Variants in TENT5D observed in about 807,000 individuals in gnomAD.
TENT5D encodes terminal nucleotidyltransferase 5D.
For synonymous variants in TENT5D, 103 were observed against 100.6 expected, an observed-to-expected ratio of 1.02 and a Z score of -0.15; for missense variants, 191 against 287.0, an observed-to-expected ratio of 0.67 and a Z score of 2.42.
chrX:80,361,066 G>A (rs1930398860), intron 3 of TENT5D, among the ~76,000 whole-genome samples: 1 of 111,449 alleles, frequency 9.0e-6, no homozygotes. Flanking sequence ...TGTTTTTACT[G>A]TATTTCCTAT....
chrX:80,357,652 G>T (rs1930313152), intron 3 of TENT5D, among the ~76,000 whole-genome samples: 1 of 111,004 alleles, frequency 9.0e-6, no homozygotes, highest in African/African-American at 3.3e-5. Context: ...TGTAGATCCT[G>T]GATATTAGCC....
chrX:80,370,207 A>T (rs917831629), intron 3 of TENT5D, among the ~76,000 whole-genome samples: 2 of 110,589 alleles, frequency 1.8e-5, no homozygotes, highest in Non-Finnish European at 3.8e-5. Flanking sequence ...CTCCAAAGTG[A>T]TGGGATTACT....
intron 3 of TENT5D, among the ~76,000 whole-genome samples, chrX:80,397,213 CGGG>C (rs1477712783): frequency 1.0e-4 from 10 of 99,815 alleles, no homozygotes; most frequent in African/African-American, 3.4e-4. Flanking sequence ...ACTTCTCAGA[CGGG>C]GCGGCCGGGC....
At chrX:80,376,069 GT>G (rs1369792458) in intron 3 of TENT5D, among the ~76,000 whole-genome samples, 6 of 106,393 alleles carry the variant, frequency 5.6e-5, no homozygotes, top group Non-Finnish European at 5.9e-5. Context: ...AAGTTTCAGT[GT>G]TTTTTTTTTC....
At chrX:80,424,317 C>T (rs993696925) in intron 1 of TENT5D, among the ~76,000 whole-genome samples, 2 of 111,648 alleles carry the variant, frequency 1.8e-5, no homozygotes, top group Non-Finnish European at 3.8e-5. Context: ...TTAAAAATTC[C>T]AAGGCTAAGT....
chrX:80,433,021 T>C (rs946073503), intron 1 of TENT5D, among the ~76,000 whole-genome samples: 6 of 111,229 alleles, frequency 5.4e-5, no homozygotes, highest in African/African-American at 1.6e-4. Context: ...AGCTTGGCCC[T>C]GGGACCATCA....
In TENT5D at chrX:80,435,804, T is replaced by C. The variant is rs191655160; in HGVS notation, c.-141-2806T>C. ...CTAAACACATATTTAGTTCTTTCTT[T>C]TGTAAGCAAAACTTATCTAGATGTT... On this transcript the variant is annotated intron_variant, in intron 1 of 2. Transcript: ENST00000308293. 1.7e-4 allele frequency among the ~76,000 whole-genome samples: 19 copies of C among 112,666 alleles called. No individual in the cohort carries two copies. The East Asian group carries it at 2.5e-3, about 15-fold the overall frequency.
At chrX:80,421,150 T>G (rs1310218335) in intron 1 of TENT5D, among the ~76,000 whole-genome samples, 1 of 111,837 alleles carries the variant, frequency 8.9e-6, no homozygotes, top group African/African-American at 3.3e-5. Context: ...TTTTTTCCTT[T>G]AAAGCACTCA....
At chrX:80,401,601 G>A (rs1193945608) in intron 3 of TENT5D, among the ~76,000 whole-genome samples, 1 of 111,323 alleles carries the variant, frequency 9.0e-6, no homozygotes, top group Admixed American at 9.5e-5. Context: ...CTAATTTTTT[G>A]AGTGTATTTA....
chrX:80,365,017 C>G (rs1344166750), intron 3 of TENT5D, among the ~76,000 whole-genome samples: 2 of 110,515 alleles, frequency 1.8e-5, no homozygotes, highest in Non-Finnish European at 3.8e-5. Context: ...GTCCTTGGTG[C>G]CTTCCTTCAG....
At chrX:80,417,440 G>C (rs1214449092), upstream of TENT5D, among the ~76,000 whole-genome samples, 1 of 92,701 alleles carries the variant, frequency 1.1e-5, no homozygotes, top group Non-Finnish European at 2.2e-5. Flanking sequence ...GCTGGTAATA[G>C]TTTTTTTTTT....
intron 3 of TENT5D, among the ~76,000 whole-genome samples, chrX:80,409,872 C>T (rs1329643858): frequency 9.5e-6 from 1 of 105,811 alleles, no homozygotes; most frequent in African/African-American, 3.5e-5. Flanking sequence ...GTAACCAAAA[C>T]AGCATGGTAC....
intron 3 of TENT5D, among the ~76,000 whole-genome samples, chrX:80,411,779 A>G (rs1354495595): frequency 8.9e-6 from 1 of 112,520 alleles, no homozygotes; most frequent in Non-Finnish European, 1.9e-5. Flanking sequence ...AGGATTATCT[A>G]CAAGCATTTA....
At chrX:80,424,072 A>T (rs1331045213) in intron 1 of TENT5D, among the ~76,000 whole-genome samples, 1 of 110,007 alleles carries the variant, frequency 9.1e-6, no homozygotes, top group Non-Finnish European at 1.9e-5. Context: ...TGTTAGGGAG[A>T]TTAAGCGTTG....
chrX:80,336,652 G>A (rs1929857374), intron 2 of TENT5D, among the ~76,000 whole-genome samples: 1 of 108,931 alleles, frequency 9.2e-6, no homozygotes, highest in African/African-American at 3.3e-5. Context: ...TTTTAACACA[G>A]CTATTTCAAA....
At chrX:80,408,100 C>T (rs1437563533) in intron 3 of TENT5D, among the ~76,000 whole-genome samples, 1 of 109,276 alleles carries the variant, frequency 9.2e-6, no homozygotes, top group Admixed American at 9.8e-5. Flanking sequence ...ACATTCAAAG[C>T]AGTGTGTAGA....
chrX:80,396,314 C>G (rs1257428359), intron 3 of TENT5D, among the ~76,000 whole-genome samples: 6 of 107,968 alleles, frequency 5.6e-5, no homozygotes, highest in Non-Finnish European at 1.2e-4. Flanking sequence ...TTGGGTGTTT[C>G]TCACAGAGGG....
chrX:80,403,765 A>G (rs1931432262), intron 3 of TENT5D, among the ~76,000 whole-genome samples: 1 of 111,742 alleles, frequency 8.9e-6, no homozygotes, highest in Non-Finnish European at 1.9e-5. Context: ...GAATTTGTAG[A>G]TTGCTTTGGG....
upstream of TENT5D, among the ~76,000 whole-genome samples, chrX:80,419,357 C>A (rs1337470827): frequency 8.9e-6 from 1 of 111,744 alleles, no homozygotes; most frequent in African/African-American, 3.2e-5. Context: ...TTATTTATTT[C>A]TTTGTCATAT....
Sources: gnomAD v4.1 joint callset for allele counts (sites outside exome capture counted in the v4.1 genomes callset) on GRCh38, gnomAD v4.1.1 for gene constraint, MANE v1.5 for transcripts, NCBI Gene and HGNC (gene_info 2026-07-23, HGNC 2026-07-21) for gene names.